The following TBX19 variants were observed in gnomAD, a reference collection of about 807,000 sequenced individuals.
TBX19 encodes T-box transcription factor 19.
A neutral mutation model predicts 40.9 loss-of-function variants in TBX19; 33 were observed. The observed-to-expected ratio is 0.81, with a 90% confidence interval of 0.61 to 1.08. TBX19 has a LOEUF of 1.08. Ranked by LOEUF, TBX19 falls within the 50% of genes least tolerant of loss-of-function variation. The probability of loss-of-function intolerance (pLI) is 0.00; values close to 1 mark genes in which losing one functional copy is unlikely to be tolerated. For missense variants in TBX19, 494 were observed against 574.0 expected (o/e 0.86, Z 1.42); for synonymous variants, 220 against 225.0 (o/e 0.98, Z 0.20).
At position 168,312,891 on chromosome 1, in the gene TBX19, G is replaced by A. The variant is rs567352640; in HGVS notation, c.1236G>A (p.Ser412=). 11 of 1,614,226 alleles carry A rather than the reference G, an allele frequency of 6.8e-6. No homozygotes were observed. The highest frequency in any genetic ancestry group is 2.7e-5 in the African/African-American group (2 of 75,062). The change falls in exon 8 of 8, where the codon TCG becomes TCA. Residue 412 remains serine (S), a synonymous_variant. Coordinates refer to ENST00000367821, the MANE Select transcript of TBX19 (RefSeq NM_005149.3). ...SAGVEVLGEP[S]LTSIAVSTWT... is the part of the protein sequence containing the mutation. ...GTGTGGAGGTTCTGGGGGAGCCCTC[G>A]CTAACCAGCATTGCTGTGTCCACCT...
chr1:168,299,225 G>A (rs559378619), intron 4 of TBX19, among the ~76,000 whole-genome samples: 27 of 152,006 alleles, frequency 1.8e-4, no homozygotes, highest in South Asian at 1.0e-3. Flanking sequence ...CAGACTCTAT[G>A]TCTTTTGCAT....
intron 3 of TBX19, among the ~76,000 whole-genome samples, chr1:168,296,985 T>C (rs1440985705): frequency 6.6e-6 from 1 of 152,246 alleles, no homozygotes; most frequent in East Asian, 1.9e-4. Context: ...CTGGAAATAC[T>C]GCAATGAATA....
intron 7 of TBX19, among the ~76,000 whole-genome samples, chr1:168,311,990 G>A (rs940812293): frequency 3.9e-5 from 6 of 152,184 alleles, no homozygotes; most frequent in Non-Finnish European, 8.8e-5. Flanking sequence ...GTGCAATCAA[G>A]TGTGTGAACC....
intron 2 of TBX19, 126 bp downstream of exon 2, chr1:168,291,550 A>G (rs183893269): frequency 1.0e-4 from 140 of 1,357,570 alleles, no homozygotes; most frequent in African/African-American, 4.7e-4. Context: ...ACAGAAGCCA[A>G]TTATTCCCGG....
At chr1:168,295,720 A>G (rs901267239) in intron 3 of TBX19, among the ~76,000 whole-genome samples, 1 of 152,110 alleles carries the variant, frequency 6.6e-6, no homozygotes, top group African/African-American at 2.4e-5. Context: ...GTCTGGGTCT[A>G]TGAGGGGAGG....
At chr1:168,301,371 C>A (rs1649271015) in intron 5 of TBX19, among the ~76,000 whole-genome samples, 2 of 152,118 alleles carry the variant, frequency 1.3e-5, no homozygotes, top group Non-Finnish European at 2.9e-5. Flanking sequence ...CAAGTGACTC[C>A]TCTCCCTCAG....
chr1:168,292,395 A>T (rs1467201895), intron 2 of TBX19, among the ~76,000 whole-genome samples: 1 of 152,232 alleles, frequency 6.6e-6, no homozygotes, highest in African/African-American at 2.4e-5. Flanking sequence ...AGATTTTGCC[A>T]TTCTTTAGTC....
intron 7 of TBX19, 118 bp downstream of exon 7, chr1:168,308,995 TAAAACAC>T: frequency 7.0e-7 from 1 of 1,427,374 alleles, no homozygotes; most frequent in Non-Finnish European, 9.8e-7. Context: ...TCTTGACTTC[TAAAACAC>T]TAAGAAGTCA....
chr1:168,297,783 A>G lies in TBX19; in HGVS notation c.663A>G (p.Glu221=). The change falls in exon 4 of 8, where the codon GAA becomes GAG. Residue 221 remains glutamate (E), a splice_region_variant and synonymous_variant. Transcript: ENST00000367821. ...CCAAAGCCTTCTTGGATGCCAAGGAAAGGTAAGTAAAGAAATTTTAGTGAA... is the reference window on the plus strand; with the variant it reads ...CCAAAGCCTTCTTGGATGCCAAGGAGAGGTAAGTAAAGAAATTTTAGTGAA... The part of the protein sequence containing the change: ...PFAKAFLDAK[E]RNHLRDVPEA... 1 of 1,612,662 alleles carries G rather than the reference A, an allele frequency of 6.2e-7. No homozygotes were observed. Among genetic ancestry groups the G allele is most frequent in the Non-Finnish European group, 8.5e-7 (1 of 1,178,808 alleles).
At position 168,313,152 on chromosome 1, in the gene TBX19, G is replaced by A. The variant is rs1572486064; in HGVS notation, c.*150G>A. ...GGTTATTACAGAAGTCATACTGGGAGAGGGTTCAGTTTGGATGATGCTAGT... is the reference window on the plus strand; with the variant it reads ...GGTTATTACAGAAGTCATACTGGGAAAGGGTTCAGTTTGGATGATGCTAGT... On this transcript the variant is annotated 3_prime_UTR_variant, in exon 8 of 8. Transcript: ENST00000367821. The A allele has an allele frequency of 1.1e-6, 1 of 940,276 alleles. No individual in the cohort carries two copies. Among genetic ancestry groups the A allele is most frequent in the East Asian group, 2.6e-5 (1 of 38,314 alleles). 58.2% of individuals were successfully genotyped at this position (940,276 alleles called of 1,614,324 possible).
At position 168,312,870 on chromosome 1, in the gene TBX19, G is replaced by A. The variant is rs748595082; in HGVS notation, c.1215G>A (p.Val405=). 5 of 1,614,228 alleles carry A rather than the reference G, an allele frequency of 3.1e-6. No homozygotes were observed. The highest frequency in any genetic ancestry group is 4.2e-6 in the Non-Finnish European group (5 of 1,180,040). ...LSTQAPTSAG[V]EVLGEPSLTS... is the part of the protein sequence containing the mutation. ...CCCAAGCACCCACTTCGGCTGGTGT[G>A]GAGGTTCTGGGGGAGCCCTCGCTAA... Residue 405 remains valine, a synonymous_variant, in exon 8 of 8, where the codon GTG becomes GTA. Coordinates refer to ENST00000367821, the MANE Select transcript of TBX19 (RefSeq NM_005149.3).
intron 3 of TBX19, among the ~76,000 whole-genome samples, chr1:168,295,864 G>A (rs1017197438): frequency 1.3e-5 from 2 of 152,154 alleles, no homozygotes; most frequent in Non-Finnish European, 2.9e-5. Context: ...GGTGGTGTGC[G>A]GAACTTGTCA....
At chr1:168,281,394 G>A (rs1162474662) in intron 1 of TBX19, 101 bp downstream of exon 1, 27 of 1,108,544 alleles carry the variant, frequency 2.4e-5, no homozygotes, top group Non-Finnish European at 3.5e-5. Context: ...CAGAGGCGGC[G>A]GGATCTGATT....
At chr1:168,295,591 A>C (rs12760197) in intron 3 of TBX19, among the ~76,000 whole-genome samples, 93 of 152,290 alleles carry the variant, frequency 6.1e-4, no homozygotes, top group Middle Eastern at 3.4e-3. Context: ...AGTCAATGGA[A>C]ACAGAAATGA....
intron 4 of TBX19, among the ~76,000 whole-genome samples, chr1:168,298,969 A>G (rs1173739797): frequency 5.9e-5 from 8 of 134,474 alleles, no homozygotes; most frequent in Admixed American, 5.8e-4. Context: ...GTCAGGCTGG[A>G]GTGGCACTAT....
Position 168,281,047 on chromosome 1 carries a change from A to T in TBX19, c.-44A>T. 1 of 1,590,136 alleles carries T rather than the reference A, an allele frequency of 6.3e-7. No individual in the cohort carries two copies. The highest frequency in any genetic ancestry group is 8.6e-7 in the Non-Finnish European group (1 of 1,159,238). ...GTGAGGGAAGGAAGAAGCTAGAAGC[A>T]GGCAAGTTGGGTAACGGCTCTCGGC... On this transcript the variant is annotated 5_prime_UTR_variant, in exon 1 of 8. Coordinates refer to ENST00000367821, the MANE Select transcript of TBX19 (RefSeq NM_005149.3).
intron 4 of TBX19, among the ~76,000 whole-genome samples, chr1:168,298,052 C>T (rs1444661737): frequency 1.3e-5 from 2 of 151,986 alleles, no homozygotes; most frequent in East Asian, 1.9e-4. Flanking sequence ...AAAAATTAGC[C>T]GGGTGTGGTG....
intron 4 of TBX19, among the ~76,000 whole-genome samples, chr1:168,298,190 C>T (rs760288613): frequency 1.3e-5 from 2 of 151,916 alleles, no homozygotes; most frequent in East Asian, 1.9e-4. Context: ...AGCGAGACTC[C>T]GTCTCAGAAA....
rs891536291 is a variant in TBX19 at position 168,313,697 on chromosome 1, G to T, written c.*695G>T. 1 of 152,894 alleles carries T rather than the reference G, an allele frequency of 6.5e-6. No individual in the cohort carries two copies. Among genetic ancestry groups the T allele is most frequent in the African/African-American group, 2.4e-5 (1 of 41,430 alleles). The allele number at this position is 152,894 out of a possible 1,614,324, so 9.5% of individuals were successfully genotyped here. A position where few individuals can be genotyped will look rare whatever the true frequency, so the allele number is the denominator to read the frequency against. On this transcript the variant is annotated 3_prime_UTR_variant, in exon 8 of 8. Coordinates refer to ENST00000367821, the MANE Select transcript of TBX19 (RefSeq NM_005149.3). ...GGAGGCCAAGGTAAGAGGATCGCTT[G>T]AGGTCAGGAGTTCGAGACCAGCTTG...
Sources: allele counts gnomAD v4.1 joint callset (sites outside exome capture counted in the v4.1 genomes callset), GRCh38; gene constraint gnomAD v4.1.1; transcripts MANE v1.5; gene names NCBI Gene and HGNC (gene_info 2026-07-23, HGNC 2026-07-21).